GPR161: variants seen among roughly 807,000 people sequenced by gnomAD.
The protein encoded by GPR161 is G-protein coupled receptor RE2.
GPR161 carries 25 observed loss-of-function variants against 39.2 expected under a neutral mutation model. That is an observed-to-expected ratio of 0.64 (90% confidence interval 0.47 to 0.89). The LOEUF (loss-of-function observed/expected upper bound fraction) is 0.89, where lower values mean the gene tolerates loss of function less well. Among genes scored for constraint, GPR161 ranks in the 40% least tolerant of loss-of-function variants. The probability of loss-of-function intolerance (pLI) is 0.00; values close to 1 mark genes in which losing one functional copy is unlikely to be tolerated. For missense variants in GPR161, 547 were observed against 677.8 expected (o/e 0.81, Z 2.14); for synonymous variants, 286 against 276.6 (o/e 1.03, Z -0.34).
At chr1:168,131,742 C>T (rs1699006486) in intron 1 of GPR161, among the ~76,000 whole-genome samples, 1 of 152,048 alleles carries the variant, frequency 6.6e-6, no homozygotes. Context: ...AAATTAAATA[C>T]TTCTGGACAA....
chr1:168,094,480 T>A (rs1022071874), intron 3 of GPR161, among the ~76,000 whole-genome samples: 2 of 152,178 alleles, frequency 1.3e-5, no homozygotes, highest in Admixed American at 6.5e-5. Flanking sequence ...AGTCCCAGAC[T>A]TCCTTCCTCT....
At position 168,103,991 on chromosome 1, in the gene GPR161, G is replaced by A. The variant is rs147695476; in HGVS notation, c.374+486C>T. On this transcript the variant is annotated intron_variant, in intron 2 of 5. Transcript: ENST00000682931. ...TTCCAAATGCACACGGCCTCTCCCC[G>A]GTGTCACTGCCTGTATTCTCTGGCT... is the stretch of plus-strand genomic sequence containing the variant. 5.3e-3 allele frequency among the ~76,000 whole-genome samples: 805 copies of A among 152,264 alleles called. 5 individuals are homozygous for A. Among genetic ancestry groups the A allele is most frequent in the African/African-American group, 0.018 (763 of 41,536 alleles).
At chr1:168,096,112 C>A (rs923154322) in intron 3 of GPR161, among the ~76,000 whole-genome samples, 8 of 106,710 alleles carry the variant, frequency 7.5e-5, no homozygotes, top group Non-Finnish European at 1.0e-4. Context: ...CCAAGCTGGA[C>A]AACAGAGCAA....
chr1:168,095,706 G>A (rs1283910380), intron 3 of GPR161, among the ~76,000 whole-genome samples: 1 of 152,174 alleles, frequency 6.6e-6, no homozygotes, highest in Non-Finnish European at 1.5e-5. Context: ...GAGGAGGATG[G>A]TTGAGGAGGA....
At chr1:168,107,269 G>GACT (rs1696700299) in intron 1 of GPR161, among the ~76,000 whole-genome samples, 1 of 152,156 alleles carries the variant, frequency 6.6e-6, no homozygotes, top group South Asian at 2.1e-4. Context: ...GTGGCCGTAA[G>GACT]ACTATTATGG....
At chr1:168,103,493 C>G (rs1225326153) in intron 2 of GPR161, among the ~76,000 whole-genome samples, 1 of 152,128 alleles carries the variant, frequency 6.6e-6, no homozygotes, top group African/African-American at 2.4e-5. Context: ...TTCTGCCTCC[C>G]CAGTGCAGCC....
chr1:168,092,000 C>T (rs1465393519), intron 3 of GPR161, among the ~76,000 whole-genome samples: 1 of 152,196 alleles, frequency 6.6e-6, no homozygotes. Context: ...CAATAGAATG[C>T]ACTTTCTCCT....
rs1175978639 is a variant in GPR161 at position 168,085,279 on chromosome 1, C to A, written c.*252G>T. The stretch of plus-strand genomic sequence containing the variant: ...AGATTTTTTTTTGGTTTTTTTTTTG[C>A]TTTAGATGCTTCTGGTCCCATCACT... On this transcript the variant is annotated 3_prime_UTR_variant, in exon 6 of 6. Transcript: ENST00000682931. 3.6e-6 allele frequency: 2 copies of A among 552,386 alleles called. No homozygotes were observed. The highest frequency in any genetic ancestry group is 6.5e-6 in the Non-Finnish European group (2 of 309,554). The allele number at this position is 552,386 out of a possible 1,614,324, so 34.2% of individuals were successfully genotyped here.
intron 1 of GPR161, among the ~76,000 whole-genome samples, chr1:168,119,635 A>G (rs913923395): frequency 1.3e-5 from 2 of 152,126 alleles, no homozygotes; most frequent in African/African-American, 4.8e-5. Flanking sequence ...TGCACTTAAA[A>G]ATGGTTAAGA....
In GPR161 at chr1:168,104,466, G is replaced by A. The variant is rs780641148; in HGVS notation, c.374+11C>T. On this transcript the variant is annotated intron_variant, in intron 2 of 5. Transcript: ENST00000682931. ...TAATCCCTCAATTCTCTAAGTCTGA[G>A]GCATGCTTACCGGTCGATGGCAATG... The A allele has an allele frequency of 2.6e-5, 41 of 1,606,566 alleles. 1 individual carries two copies. In the South Asian group the frequency reaches 4.0e-4, roughly 16 times the overall value.
chr1:168,110,549 AAAG>A lies in GPR161; in HGVS notation c.-44-5658_-44-5656del, dbSNP rs1170886390. Among the ~76,000 whole-genome samples the A allele has an allele frequency of 1.6e-3, 44 of 28,366 alleles. 3 individuals are homozygous for A. The highest frequency in any genetic ancestry group is 6.1e-3 in the African/African-American group (43 of 7,054). 18.6% of individuals were successfully genotyped at this position (28,366 alleles called of 152,430 possible). ...GAAAGAAAGGAAAGGAAAGAAAAGA[AAAG>A]AAAAGAAAAGAAAAGAAAAGAAAAG... On this transcript the variant is annotated intron_variant, in intron 1 of 5. Transcript: ENST00000682931.
chr1:168,136,467 G>A, intron 1 of GPR161: 1 of 1,272,112 alleles, frequency 7.9e-7, no homozygotes, highest in Non-Finnish European at 9.9e-7. Context: ...AGAATGGGGT[G>A]GGCCTCTCAG....
intron 2 of GPR161, among the ~76,000 whole-genome samples, chr1:168,101,109 T>C (rs78696746): frequency 2.0e-5 from 1 of 50,316 alleles, no homozygotes; most frequent in Non-Finnish European, 3.5e-5. Context: ...AGCCAGTTTC[T>C]TTTTTTTTTT....
chr1:168,108,486 T>TAAAA (rs10670498), intron 1 of GPR161, among the ~76,000 whole-genome samples: 3,652 of 17,382 alleles, frequency 0.21, 973 homozygotes, highest in Admixed American at 0.27. Context: ...GCCCTAGTTG[T>TAAAA]AAAAAAAAAA....
chr1:168,121,948 G>A (rs61403239), intron 1 of GPR161, among the ~76,000 whole-genome samples: 2,148 of 152,300 alleles, frequency 0.014, 53 homozygotes, highest in African/African-American at 0.049. Flanking sequence ...ACCCAAGGCT[G>A]TTCCAAGTCT....
chr1:168,096,371 T>C, intron 3 of GPR161, 137 bp downstream of exon 3: 2 of 880,174 alleles, frequency 2.3e-6, no homozygotes, highest in Non-Finnish European at 3.5e-6. Context: ...CTGGAATGTT[T>C]CTTCCGAAAG....
At chr1:168,102,098 C>A (rs1026765383) in intron 2 of GPR161, among the ~76,000 whole-genome samples, 1 of 152,174 alleles carries the variant, frequency 6.6e-6, no homozygotes, top group Non-Finnish European at 1.5e-5. Context: ...CCACCACGCT[C>A]GGCCTCAGCA....
intron 1 of GPR161, among the ~76,000 whole-genome samples, chr1:168,132,147 C>T (rs980285579): frequency 2.0e-5 from 3 of 152,110 alleles, no homozygotes; most frequent in Non-Finnish European, 4.4e-5. Context: ...CGCCTGTAAC[C>T]CCAGCTACGT....
At chr1:168,112,372 C>T (rs369647982) in intron 1 of GPR161, among the ~76,000 whole-genome samples, 1 of 148,836 alleles carries the variant, frequency 6.7e-6, no homozygotes, top group Non-Finnish European at 1.5e-5. Context: ...CCCAGCTACT[C>T]GGGAGGCTGA....
Sources: gnomAD v4.1 joint callset for allele counts (sites outside exome capture counted in the v4.1 genomes callset) on GRCh38, gnomAD v4.1.1 for gene constraint, MANE v1.5 for transcripts, NCBI Gene and HGNC (gene_info 2026-07-23, HGNC 2026-07-21) for gene names.